SPTLC2: variants seen among roughly 807,000 people sequenced by gnomAD.
The protein encoded by SPTLC2 is serine palmitoyltransferase long chain base subunit 2.
In SPTLC2, 21 loss-of-function variants were observed where a neutral mutation model predicts 62.0. That is an observed-to-expected ratio of 0.34 (90% CI 0.24 to 0.49). SPTLC2 has a LOEUF of 0.49. SPTLC2 is among the 20% of genes least tolerant of loss of function. The pLI is 0.99. For missense variants in SPTLC2, 511 were observed against 713.0 expected, an observed-to-expected ratio of 0.72 and a Z score of 3.23; for synonymous variants, 261 against 261.8, an observed-to-expected ratio of 1.00 and a Z score of 0.03.
chr14:77,597,737 G>A (rs919340637), intron 1 of SPTLC2, among the ~76,000 whole-genome samples: 3 of 149,392 alleles, frequency 2.0e-5, no homozygotes, highest in African/African-American at 4.9e-5. Flanking sequence ...TCACGCCACT[G>A]CACTCCTGCC....
In SPTLC2 at chr14:77,512,216, A is replaced by G; in HGVS notation, c.*68T>C. The G allele has an allele frequency of 6.2e-7, 1 of 1,610,264 alleles. No individual in the cohort carries two copies. The highest frequency in any genetic ancestry group is 1.1e-5 in the South Asian group (1 of 90,872). ...TGGCCACAGAAGTGTGGTTCCTGGA[A>G]CTGGCTCACAAAGGCCACAGGCTGT... On this transcript the variant is annotated 3_prime_UTR_variant, in exon 12 of 12. Transcript: ENST00000216484.
intron 9 of SPTLC2, among the ~76,000 whole-genome samples, chr14:77,551,039 GCTC>G (rs1424787105): frequency 6.6e-6 from 1 of 151,908 alleles, no homozygotes. Flanking sequence ...AGAGTGGAGA[GCTC>G]ATGGCTGATA....
intron 1 of SPTLC2, among the ~76,000 whole-genome samples, chr14:77,614,708 C>T (rs1384951605): frequency 1.3e-5 from 2 of 150,476 alleles, no homozygotes; most frequent in Non-Finnish European, 3.0e-5. Context: ...CGGCCTGGTG[C>T]GCCTGTAATC....
chr14:77,547,212 G>T (rs779749721), intron 9 of SPTLC2, among the ~76,000 whole-genome samples: 39 of 151,184 alleles, frequency 2.6e-4, no homozygotes, highest in Non-Finnish European at 5.2e-4. Context: ...ATTCTAGGCA[G>T]AAAGTCACAA....
intron 3 of SPTLC2, among the ~76,000 whole-genome samples, chr14:77,578,213 C>CA (rs1244565833): frequency 2.0e-5 from 3 of 152,084 alleles, no homozygotes; most frequent in Non-Finnish European, 4.4e-5. Flanking sequence ...CCAAACTATT[C>CA]AATCCATGTA....
intron 9 of SPTLC2, among the ~76,000 whole-genome samples, chr14:77,544,876 T>C (rs1341465497): frequency 1.3e-5 from 2 of 152,184 alleles, no homozygotes; most frequent in Non-Finnish European, 2.9e-5. Context: ...ACAAGAATGC[T>C]GAAGGCAAGC....
chr14:77,593,163 G>A (rs1387669484), intron 2 of SPTLC2, among the ~76,000 whole-genome samples: 3 of 151,826 alleles, frequency 2.0e-5, no homozygotes, highest in Non-Finnish European at 4.4e-5. Context: ...TGGTCCTCCC[G>A]TTTTTAAATA....
At chr14:77,604,879 A>AGGT (rs1555378667) in intron 1 of SPTLC2, among the ~76,000 whole-genome samples, 1 of 150,054 alleles carries the variant, frequency 6.7e-6, no homozygotes, top group South Asian at 2.1e-4. Flanking sequence ...AAAAAAAAAA[A>AGGT]AAAAAAAGGT....
At chr14:77,525,785 G>A (rs1393103285) in intron 9 of SPTLC2, among the ~76,000 whole-genome samples, 1 of 151,828 alleles carries the variant, frequency 6.6e-6, no homozygotes, top group Non-Finnish European at 1.5e-5. Flanking sequence ...GTGGTGGTGG[G>A]CGCCTGTAGT....
intron 4 of SPTLC2, among the ~76,000 whole-genome samples, chr14:77,570,786 T>C (rs1404747165): frequency 2.0e-5 from 3 of 152,188 alleles, no homozygotes; most frequent in Non-Finnish European, 4.4e-5. Context: ...TGTTTGTGCA[T>C]ACTAGTTCCA....
rs1196014658 is a variant in SPTLC2, at chr14:77,557,057, C to T, written c.940G>A (p.Val314Met). The T allele has an allele frequency of 6.2e-7, 1 of 1,613,906 alleles. No homozygotes were observed. The highest frequency in any genetic ancestry group is 8.5e-7 in the Non-Finnish European group (1 of 1,179,930). ...CAGGATTACCTATATATTCCTTCCACAAGGATGAGAATTTTCTTCCAGGGC... is the reference window on the plus strand; with the variant it reads ...CAGGATTACCTATATATTCCTTCCATAAGGATGAGAATTTTCTTCCAGGGC... ...RRPWKKILIL[V>M]EGIYSMEGSI... The change falls in exon 7 of 12, where the codon GTG becomes ATG. Residue 314 changes from valine to methionine, a missense_variant. Physicochemically the swap from Val to Met is conservative, Grantham distance 21. Coordinates refer to ENST00000216484, the MANE Select transcript of SPTLC2 (RefSeq NM_004863.4).
chr14:77,609,187 G>A (rs1317590731), intron 1 of SPTLC2, among the ~76,000 whole-genome samples: 1 of 152,064 alleles, frequency 6.6e-6, no homozygotes, highest in Non-Finnish European at 1.5e-5. Context: ...CTTTTAAGAA[G>A]TCTGTCCTGG....
At chr14:77,581,055 T>TA (rs1428415098) in intron 2 of SPTLC2, among the ~76,000 whole-genome samples, 2 of 152,172 alleles carry the variant, frequency 1.3e-5, no homozygotes, top group African/African-American at 4.8e-5. Context: ...ATATGAGATC[T>TA]ACTTAAACTC....
chr14:77,508,503 A>G lies in SPTLC2; in HGVS notation c.*3781T>C, dbSNP rs2079316888. ...ACTGGCAGTTCTGCACTGTTGCCCA[A>G]TCCCGGATCACTAGGAACCAGAAAT... is the stretch of plus-strand genomic sequence containing the variant. On this transcript the variant is annotated 3_prime_UTR_variant, in exon 12 of 12. Coordinates refer to ENST00000216484, the MANE Select transcript of SPTLC2 (RefSeq NM_004863.4). 6.6e-6 allele frequency: 1 copy of G among 152,224 alleles called. No individual in the cohort carries two copies. Among genetic ancestry groups the G allele is most frequent in the African/African-American group, 2.4e-5 (1 of 41,470 alleles). 9.4% of individuals were successfully genotyped at this position (152,224 alleles called of 1,614,324 possible).
chr14:77,593,430 G>GT (rs1190546521), intron 2 of SPTLC2, among the ~76,000 whole-genome samples: 2 of 152,090 alleles, frequency 1.3e-5, no homozygotes, highest in African/African-American at 4.8e-5. Flanking sequence ...AGCTTTTGCT[G>GT]TATCTGTCAC....
chr14:77,539,156 C>A (rs563704372), intron 9 of SPTLC2, among the ~76,000 whole-genome samples: 1 of 142,578 alleles, frequency 7.0e-6, no homozygotes, highest in South Asian at 2.2e-4. Flanking sequence ...ATATTATTTT[C>A]TATTTTTGTT....
intron 9 of SPTLC2, among the ~76,000 whole-genome samples, chr14:77,526,596 G>A (rs1446896623): frequency 6.7e-6 from 1 of 150,060 alleles, no homozygotes; most frequent in East Asian, 1.9e-4. Context: ...CTATTTTTAG[G>A]AACTCTACTG....
In SPTLC2 at chr14:77,601,619, C is replaced by T. The variant is rs2079877945; in HGVS notation, c.133-4239G>A. ...GGTCAGCGGGACTCCTTCGGGAGAC[C>T]AGTCCCCTGTCCTCATCCTCACTTC... On this transcript the variant is annotated intron_variant, in intron 1 of 11. Transcript: ENST00000216484. Among the ~76,000 whole-genome samples, 4 of 152,278 alleles carry T rather than the reference C, an allele frequency of 2.6e-5. No homozygotes were observed. In the South Asian group the frequency reaches 8.3e-4, roughly 32 times the overall value.
intron 9 of SPTLC2, among the ~76,000 whole-genome samples, chr14:77,530,552 C>T (rs1237119446): frequency 6.6e-6 from 1 of 152,132 alleles, no homozygotes; most frequent in African/African-American, 2.4e-5. Context: ...TCGTCTCAAA[C>T]TCCTGACCTC....
Sources: allele counts gnomAD v4.1 joint callset (sites outside exome capture counted in the v4.1 genomes callset), GRCh38; gene constraint gnomAD v4.1.1; transcripts MANE v1.5; gene names NCBI Gene and HGNC (gene_info 2026-07-23, HGNC 2026-07-21).